PTPRD: variants seen among roughly 807,000 people sequenced by gnomAD.
PTPRD encodes the protein receptor-type tyrosine-protein phosphatase delta.
In PTPRD, 34 loss-of-function variants were observed where a neutral mutation model predicts 214.5. That is an observed-to-expected ratio of 0.16 (90% CI 0.12 to 0.21). The LOEUF is 0.21. PTPRD is among the 10% of genes least tolerant of loss of function. The pLI is 1.00. For synonymous variants in PTPRD, 1,128 were observed against 845.7 expected (o/e 1.33, Z -5.79); for missense variants, 2,545 against 2,398.7 (o/e 1.06, Z -1.27).
chr9:8,650,703 A>G (rs1437114406), intron 12 of PTPRD, among the ~76,000 whole-genome samples: 1 of 152,178 alleles, frequency 6.6e-6, no homozygotes, highest in Non-Finnish European at 1.5e-5. Context: ...CAATACCCTG[A>G]CAGAGATCAT....
chr9:9,000,197 T>G (rs2099412455), intron 11 of PTPRD, among the ~76,000 whole-genome samples: 1 of 152,086 alleles, frequency 6.6e-6, no homozygotes, highest in African/African-American at 2.4e-5. Context: ...GGAGCTGCGT[T>G]CTGAATCACT....
At chr9:8,526,959 T>TA (rs78858971) in intron 16 of PTPRD, among the ~76,000 whole-genome samples, 29,823 of 150,618 alleles carry the variant, frequency 0.2, 3,203 homozygotes, top group East Asian at 0.44. Context: ...TCATATCTCT[T>TA]AAAAAAAAAC....
At chr9:8,583,107 G>C (rs1445366981) in intron 14 of PTPRD, among the ~76,000 whole-genome samples, 3 of 152,176 alleles carry the variant, frequency 2.0e-5, no homozygotes, top group Non-Finnish European at 4.4e-5. Context: ...TAAGGCATTA[G>C]ATTCTCATAA....
intron 10 of PTPRD, among the ~76,000 whole-genome samples, chr9:9,068,308 C>T (rs2099738247): frequency 6.6e-6 from 1 of 152,162 alleles, no homozygotes. Flanking sequence ...TTTCTTTGAA[C>T]ATTTATGTAC....
chr9:8,432,721 A>G (rs984352499), intron 35 of PTPRD, among the ~76,000 whole-genome samples: 4 of 152,236 alleles, frequency 2.6e-5, no homozygotes, highest in African/African-American at 9.6e-5. Context: ...CTAAATTTTT[A>G]TGTTGAGGTC....
At chr9:8,483,983 A>G in intron 30 of PTPRD, 136 bp downstream of exon 30, 2 of 1,153,742 alleles carry the variant, frequency 1.7e-6, no homozygotes, top group Non-Finnish European at 2.4e-6. Flanking sequence ...TCGGATAGCA[A>G]AACTGGGAGT....
chr9:10,274,691 T>C (rs2094584744), intron 3 of PTPRD, among the ~76,000 whole-genome samples: 1 of 152,198 alleles, frequency 6.6e-6, no homozygotes, highest in South Asian at 2.1e-4. Context: ...TTCTTTTTCA[T>C]TCCTCCTATT....
At chr9:9,726,517 CT>C (rs2154435885) in intron 7 of PTPRD, among the ~76,000 whole-genome samples, 1 of 152,244 alleles carries the variant, frequency 6.6e-6, no homozygotes, top group Non-Finnish European at 1.5e-5. Context: ...CTATGTTATT[CT>C]TTAAGCATGA....
At chr9:9,302,557 G>A (rs1005203034) in intron 9 of PTPRD, among the ~76,000 whole-genome samples, 10 of 121,998 alleles carry the variant, frequency 8.2e-5, no homozygotes, top group Admixed American at 1.6e-4. Context: ...TTCATTTTTT[G>A]TTCCACTAAT....
chr9:10,279,334 T>C (rs532330945), intron 3 of PTPRD, among the ~76,000 whole-genome samples: 10 of 152,162 alleles, frequency 6.6e-5, no homozygotes, highest in Non-Finnish European at 1.2e-4. Flanking sequence ...ACGTTAGACA[T>C]AACAGTTTGG....
intron 9 of PTPRD, among the ~76,000 whole-genome samples, chr9:9,382,702 T>C (rs1317166736): frequency 6.6e-6 from 1 of 152,056 alleles, no homozygotes; most frequent in African/African-American, 2.4e-5. Context: ...ACATTGTAGG[T>C]GGGAATGTAA....
intron 3 of PTPRD, among the ~76,000 whole-genome samples, chr9:10,301,326 A>T (rs1279572696): frequency 6.6e-6 from 1 of 152,192 alleles, no homozygotes; most frequent in South Asian, 2.1e-4. Flanking sequence ...CAGCACAAAA[A>T]GGCTGAAAAC....
At chr9:8,509,172 G>C (rs1342782610) in intron 21 of PTPRD, among the ~76,000 whole-genome samples, 1 of 152,066 alleles carries the variant, frequency 6.6e-6, no homozygotes, top group African/African-American at 2.4e-5. Flanking sequence ...GAAGATAAAA[G>C]ATTGAGAAGC....
At chr9:10,287,362 A>G (rs1278852111) in intron 3 of PTPRD, among the ~76,000 whole-genome samples, 2 of 152,184 alleles carry the variant, frequency 1.3e-5, no homozygotes, top group African/African-American at 2.4e-5. Flanking sequence ...ATGCCTCTAC[A>G]TAGCAAAAAC....
At chr9:8,416,073 T>C (rs560619628) in intron 35 of PTPRD, among the ~76,000 whole-genome samples, 1 of 109,200 alleles carries the variant, frequency 9.2e-6, no homozygotes, top group East Asian at 4.3e-4. Flanking sequence ...GCCTTAAAAG[T>C]GAAAAAAAAT....
chr9:9,680,621 C>G (rs920644949), intron 7 of PTPRD, among the ~76,000 whole-genome samples: 22 of 151,764 alleles, frequency 1.4e-4, no homozygotes, highest in Non-Finnish European at 2.5e-4. Flanking sequence ...TTGAGAATAG[C>G]TAACTGGACA....
chr9:9,749,826 C>G (rs2098498753), intron 6 of PTPRD, among the ~76,000 whole-genome samples: 1 of 152,074 alleles, frequency 6.6e-6, no homozygotes, highest in Non-Finnish European at 1.5e-5. Flanking sequence ...TCTTTCCTCC[C>G]CTCATCCATT....
chr9:8,359,042 A>G (rs112843131), intron 39 of PTPRD, among the ~76,000 whole-genome samples: 2,672 of 124,796 alleles, frequency 0.021, 35 homozygotes, highest in Middle Eastern at 0.042. Flanking sequence ...TGGGAGGCGG[A>G]GCTTGCAGTG....
intron 8 of PTPRD, among the ~76,000 whole-genome samples, chr9:9,428,674 G>GT (rs1391384325): frequency 6.6e-6 from 1 of 152,138 alleles, no homozygotes; most frequent in Non-Finnish European, 1.5e-5. Context: ...CTCAGAAAAT[G>GT]TAAAAGAACA....
Sources: allele counts gnomAD v4.1 joint callset (sites outside exome capture counted in the v4.1 genomes callset), GRCh38; gene constraint gnomAD v4.1.1; transcripts MANE v1.5; gene names NCBI Gene and HGNC (gene_info 2026-07-23, HGNC 2026-07-21).